Variants in DAPP1 observed in about 807,000 individuals in gnomAD.
DAPP1 encodes dual adapter for phosphotyrosine and 3-phosphotyrosine and 3-phosphoinositide.
In DAPP1, 20 loss-of-function variants were observed where a neutral mutation model predicts 41.5. That is an observed-to-expected ratio of 0.48 (90% CI 0.34 to 0.70). The LOEUF (loss-of-function observed/expected upper bound fraction) is 0.70, where lower values mean the gene tolerates loss of function less well. DAPP1 is among the 30% of genes least tolerant of loss of function. The pLI, the probability that DAPP1 is intolerant of heterozygous loss-of-function variation, is 0.01. For synonymous variants in DAPP1, 113 were observed against 116.2 expected (o/e 0.97, Z 0.18); for missense variants, 233 against 333.4 (o/e 0.70, Z 2.35).
At chr4:99,830,244 A>G (rs1723077088) in intron 1 of DAPP1, among the ~76,000 whole-genome samples, 1 of 152,160 alleles carries the variant, frequency 6.6e-6, no homozygotes, top group African/African-American at 2.4e-5. Flanking sequence ...TTATGCAGGC[A>G]TGGTGGCACA....
rs1286441922 is a variant in DAPP1, at chr4:99,868,759, T to C, written c.*574T>C. The stretch of plus-strand genomic sequence containing the variant: ...GAAAATGCTTGTGGCATTTATTTTC[T>C]CTTTTTAAAAGGTTCAGAAATTTGG... On this transcript the variant is annotated 3_prime_UTR_variant, in exon 9 of 9. Coordinates refer to ENST00000512369, the MANE Select transcript of DAPP1 (RefSeq NM_014395.3). 6.6e-6 allele frequency: 1 copy of C among 152,044 alleles called. No individual in the cohort carries two copies. Among genetic ancestry groups the C allele is most frequent in the Non-Finnish European group, 1.5e-5 (1 of 68,034 alleles). 9.4% of individuals were successfully genotyped at this position (152,044 alleles called of 1,614,324 possible).
At chr4:99,833,313 GT>G (rs1723185210) in intron 1 of DAPP1, among the ~76,000 whole-genome samples, 1 of 152,172 alleles carries the variant, frequency 6.6e-6, no homozygotes, top group Non-Finnish European at 1.5e-5. Context: ...CTTATAAAAT[GT>G]GTTTCATGCC....
intron 4 of DAPP1, among the ~76,000 whole-genome samples, chr4:99,856,572 C>G (rs1341412731): frequency 1.3e-5 from 2 of 152,188 alleles, no homozygotes; most frequent in Non-Finnish European, 2.9e-5. Context: ...CACCTCCCAG[C>G]TGAGCATTTA....
At chr4:99,870,497 CAT>C (rs1052391261), downstream of DAPP1, among the ~76,000 whole-genome samples, 1 of 152,120 alleles carries the variant, frequency 6.6e-6, no homozygotes, top group African/African-American at 2.4e-5. Context: ...GGTGAGCTAA[CAT>C]GTACCTGCTA....
chr4:99,824,028 C>A (rs540304446), intron 1 of DAPP1, among the ~76,000 whole-genome samples: 1 of 152,282 alleles, frequency 6.6e-6, no homozygotes, highest in Admixed American at 6.5e-5. Context: ...GTATAAATTT[C>A]TAAATTTTCC....
At chr4:99,861,303 C>A (rs1220841394) in intron 4 of DAPP1, among the ~76,000 whole-genome samples, 1 of 152,092 alleles carries the variant, frequency 6.6e-6, no homozygotes, top group Non-Finnish European at 1.5e-5. Flanking sequence ...CATGACACAC[C>A]TTGACAAACA....
At chr4:99,861,682 A>G in intron 5 of DAPP1, 57 bp downstream of exon 5, 1 of 1,520,470 alleles carries the variant, frequency 6.6e-7, no homozygotes, top group Non-Finnish European at 8.9e-7. Flanking sequence ...CACGTCATGT[A>G]GACTCAATTC....
chr4:99,831,319 C>G lies in DAPP1; in HGVS notation c.102-4304C>G, dbSNP rs548585616. Reference sequence around the variant, plus strand: ...GGTGTAATTGACATCATGAACAAGACAATTCTTGGTTCTTCAAGACTGTAT... The same window carrying G: ...GGTGTAATTGACATCATGAACAAGAGAATTCTTGGTTCTTCAAGACTGTAT... On this transcript the variant is annotated intron_variant, in intron 1 of 8. Transcript: ENST00000512369. Among the ~76,000 whole-genome samples the G allele has an allele frequency of 4.6e-5, 7 of 152,240 alleles. No homozygotes were observed. In the South Asian group the frequency reaches 1.5e-3, roughly 32 times the overall value.
chr4:99,864,672 A>C (rs1057236753), intron 7 of DAPP1, among the ~76,000 whole-genome samples: 1 of 152,188 alleles, frequency 6.6e-6, no homozygotes, highest in Admixed American at 6.5e-5. Context: ...ATCAGGAGGC[A>C]AGCAGCTATG....
intron 8 of DAPP1, chr4:99,866,766 A>ATTTT (rs11315402): frequency 7.2e-5 from 27 of 372,438 alleles, no homozygotes; most frequent in Admixed American, 1.1e-4. Context: ...CTTTTTTTCT[A>ATTTT]TTTTTTTTTT....
intron 3 of DAPP1, among the ~76,000 whole-genome samples, chr4:99,843,386 T>G (rs558301471): frequency 4.6e-5 from 7 of 152,226 alleles, no homozygotes; most frequent in Non-Finnish European, 8.8e-5. Flanking sequence ...TTAATGCTAT[T>G]TTAAGATATC....
intron 3 of DAPP1, among the ~76,000 whole-genome samples, chr4:99,847,497 G>T (rs1011513050): frequency 1.3e-5 from 2 of 152,140 alleles, no homozygotes; most frequent in Admixed American, 6.5e-5. Flanking sequence ...ACATACCTCC[G>T]CTAAGCATGG....
chr4:99,833,217 A>G (rs1723182744), intron 1 of DAPP1, among the ~76,000 whole-genome samples: 1 of 152,226 alleles, frequency 6.6e-6, no homozygotes, highest in Non-Finnish European at 1.5e-5. Flanking sequence ...GTTCTTTGAA[A>G]GCATTTTGTA....
chr4:99,847,114 G>A (rs1723691786), intron 3 of DAPP1, among the ~76,000 whole-genome samples: 1 of 152,206 alleles, frequency 6.6e-6, no homozygotes, highest in Non-Finnish European at 1.5e-5. Context: ...GGCCCTGTGA[G>A]CCACTGATAA....
chr4:99,853,296 C>T lies in DAPP1; in HGVS notation c.437C>T (p.Thr146Ile), dbSNP rs1238193992. The T allele has an allele frequency of 1.9e-6, 3 of 1,613,026 alleles. No individual in the cohort carries two copies. The Admixed American group carries it at 5.0e-5, about 27-fold the overall frequency. The change falls in exon 4 of 9, where the codon ACA becomes ATA. Residue 146 changes from threonine (T) to isoleucine (I), a missense_variant. Thr to Ile is a moderately conservative substitution (Grantham distance 89). Coordinates refer to ENST00000512369, the MANE Select transcript of DAPP1 (RefSeq NM_014395.3). ...PSIYESVRVH[T>I]AMQTGRTEDD... ...ATTTATGAATCTGTCCGGGTTCACA[C>T]AGCAATGCAGACAGGAAGAACAGAA...
At chr4:99,863,968 G>T (rs1204578732) in intron 7 of DAPP1, 113 bp downstream of exon 7, 2 of 670,256 alleles carry the variant, frequency 3.0e-6, no homozygotes, top group Non-Finnish European at 5.0e-6. Context: ...GATATGAGGG[G>T]CATGCCTGCA....
At chr4:99,872,333 A>AT (rs35776121), downstream of DAPP1, among the ~76,000 whole-genome samples, 1,741 of 151,322 alleles carry the variant, frequency 0.012, 39 homozygotes, top group African/African-American at 0.038. Context: ...AAGTCACACC[A>AT]TTTTTTTTTG....
At chr4:99,819,500 G>A (rs1327249533) in intron 1 of DAPP1, among the ~76,000 whole-genome samples, 1 of 152,134 alleles carries the variant, frequency 6.6e-6, no homozygotes, top group African/African-American at 2.4e-5. Context: ...GAGAACTCTT[G>A]ACAATGACTT....
intron 1 of DAPP1, among the ~76,000 whole-genome samples, chr4:99,823,634 G>A (rs1722845370): frequency 6.6e-6 from 1 of 152,178 alleles, no homozygotes; most frequent in African/African-American, 2.4e-5. Context: ...AGATTCTGGA[G>A]GGCCTAAAAT....
Sources: gnomAD v4.1 joint callset for allele counts (sites outside exome capture counted in the v4.1 genomes callset) on GRCh38, gnomAD v4.1.1 for gene constraint, MANE v1.5 for transcripts, NCBI Gene and HGNC (gene_info 2026-07-23, HGNC 2026-07-21) for gene names.